PLAC8: variants seen among roughly 807,000 people sequenced by gnomAD.
The protein encoded by PLAC8 is placenta-specific gene 8 protein.
PLAC8 carries 6 observed loss-of-function variants against 12.6 expected under a neutral mutation model. The observed-to-expected ratio is 0.48, with a 90% CI of 0.26 to 0.94. The LOEUF (loss-of-function observed/expected upper bound fraction) is 0.94, where lower values mean the gene tolerates loss of function less well. PLAC8 is among the 40% of genes least tolerant of loss of function. The pLI is 0.14. For synonymous variants in PLAC8, 54 were observed against 52.6 expected (o/e 1.03, Z -0.11); for missense variants, 122 against 152.7 (o/e 0.80, Z 1.06).
intron 2 of PLAC8, 48 bp from the exon 3 acceptor site, chr4:83,105,068 C>T (rs1044698892): frequency 6.2e-7 from 1 of 1,610,850 alleles, no homozygotes; most frequent in Non-Finnish European, 8.5e-7. Flanking sequence ...CTGCCCCTGC[C>T]ACAGCTGAAA....
chr4:83,092,863 C>T (rs1731838607), intron 4 of PLAC8: 1 of 115,438 alleles, frequency 8.7e-6, no homozygotes, highest in Admixed American at 1.2e-4. Context: ...GTGGTGTGAT[C>T]ATAGCTCACT....
intron 3 of PLAC8, among the ~76,000 whole-genome samples, chr4:83,097,250 T>C (rs1222878596): frequency 4.6e-5 from 7 of 151,952 alleles, no homozygotes; most frequent in Non-Finnish European, 2.9e-5. Flanking sequence ...TGTGTGGGTG[T>C]GTATGTGTGT....
At chr4:83,113,479 A>G (rs1018112690) in intron 1 of PLAC8, among the ~76,000 whole-genome samples, 8 of 152,202 alleles carry the variant, frequency 5.3e-5, no homozygotes, top group African/African-American at 1.9e-4. Flanking sequence ...TACAGATCCA[A>G]TTTAATTCAG....
intron 1 of PLAC8, among the ~76,000 whole-genome samples, chr4:83,113,376 G>A (rs1049111360): frequency 1.3e-5 from 2 of 152,156 alleles, no homozygotes; most frequent in Non-Finnish European, 1.5e-5. Flanking sequence ...GCAGTATCCT[G>A]GGCACTTCAC....
intron 1 of PLAC8, chr4:83,109,599 C>G (rs1732355009): frequency 6.6e-6 from 1 of 152,156 alleles, no homozygotes; most frequent in African/African-American, 2.4e-5. Flanking sequence ...CTGGCGGCCG[C>G]TGCCTTCGGG....
At chr4:83,113,546 G>A (rs967424409) in intron 1 of PLAC8, among the ~76,000 whole-genome samples, 1 of 152,198 alleles carries the variant, frequency 6.6e-6, no homozygotes, top group African/African-American at 2.4e-5. Flanking sequence ...TTTGGTAAGG[G>A]CTAAGGAGAT....
At chr4:83,097,914 A>C (rs1432066553) in intron 3 of PLAC8, among the ~76,000 whole-genome samples, 1 of 144,700 alleles carries the variant, frequency 6.9e-6, no homozygotes, top group Non-Finnish European at 1.5e-5. Flanking sequence ...GCTAGAGTGC[A>C]GTGGCGTGAT....
chr4:83,091,757 T>A (rs1353183948), intron 4 of PLAC8, among the ~76,000 whole-genome samples: 1 of 152,162 alleles, frequency 6.6e-6, no homozygotes, highest in Non-Finnish European at 1.5e-5. Context: ...GGGAGATGTG[T>A]CTCTTCTCCC....
intron 3 of PLAC8, among the ~76,000 whole-genome samples, chr4:83,103,123 G>C (rs559950454): frequency 4.7e-5 from 7 of 149,916 alleles, no homozygotes; most frequent in African/African-American, 1.7e-4. Flanking sequence ...GAGGCTGGGC[G>C]CGGTGGCTTC....
intron 1 of PLAC8, among the ~76,000 whole-genome samples, chr4:83,108,198 C>G (rs1471027191): frequency 1.3e-5 from 2 of 149,928 alleles, no homozygotes; most frequent in African/African-American, 4.9e-5. Context: ...ACTTTAGGGG[C>G]AGGATGCTGA....
chr4:83,096,654 G>A (rs1483101064), intron 3 of PLAC8, among the ~76,000 whole-genome samples: 5 of 152,108 alleles, frequency 3.3e-5, no homozygotes, highest in South Asian at 4.1e-4. Flanking sequence ...TAGATTAGAC[G>A]AAGATACAGC....
intron 3 of PLAC8, among the ~76,000 whole-genome samples, chr4:83,096,984 G>A (rs769671770): frequency 2.0e-5 from 3 of 152,140 alleles, no homozygotes; most frequent in Non-Finnish European, 2.9e-5. Context: ...GCACTGCACC[G>A]TCTTCTCCCG....
chr4:83,112,047 G>T (rs1404230315), intron 1 of PLAC8, among the ~76,000 whole-genome samples: 3 of 151,968 alleles, frequency 2.0e-5, no homozygotes, highest in African/African-American at 2.4e-5. Context: ...GGTAGTGTAT[G>T]CCTGTAATCC....
intron 4 of PLAC8, 70 bp downstream of exon 4, chr4:83,094,608 A>C: frequency 2.5e-6 from 2 of 797,994 alleles, no homozygotes; most frequent in South Asian, 3.4e-5. Context: ...AACAACAAAT[A>C]ATTGACAAAG....
intron 2 of PLAC8, among the ~76,000 whole-genome samples, chr4:83,106,248 C>T (rs1333657531): frequency 1.3e-5 from 2 of 151,950 alleles, no homozygotes; most frequent in African/African-American, 4.8e-5. Context: ...ATCTGCCCGC[C>T]TTGGCCTCCC....
At chr4:83,093,696 TTC>T (rs1277140863) in intron 4 of PLAC8, 1 of 152,232 alleles carries the variant, frequency 6.6e-6, no homozygotes, top group Non-Finnish European at 1.5e-5. Flanking sequence ...ATTAATTGAA[TTC>T]TGCATTTTAG....
At chr4:83,094,529 T>G (rs1731880309) in intron 4 of PLAC8, 149 bp downstream of exon 4, 1 of 566,012 alleles carries the variant, frequency 1.8e-6, no homozygotes, top group Admixed American at 3.9e-5. Flanking sequence ...AGAAGAAAAT[T>G]AAAGCCAATC....
At chr4:83,094,516 A>G (rs1445712964) in intron 4 of PLAC8, 162 bp downstream of exon 4, 1 of 551,608 alleles carries the variant, frequency 1.8e-6, no homozygotes, top group Non-Finnish European at 3.2e-6. Context: ...TATCTTCTTC[A>G]TAAGAAGAAA....
chr4:83,107,841 C>G lies in PLAC8; in HGVS notation c.81G>C (p.Gln27His). The G allele has an allele frequency of 6.2e-7, 1 of 1,609,360 alleles. No homozygotes were observed. The highest frequency in any genetic ancestry group is 8.5e-7 in the Non-Finnish European group (1 of 1,177,240). Residue 27 changes from glutamine to histidine, a missense_variant, in exon 2 of 5, where the codon CAG (glutamine) becomes CAC (histidine). Coordinates refer to ENST00000311507, the MANE Select transcript of PLAC8 (RefSeq NM_016619.3). ...CGCTGAAACAGTCACACATGCCTGT[C>G]TGCCAGTTGGAGTTCTGGGGGGCCG... Reference protein sequence around the residue: ...PGPAPQNSNWQTGMCDCFSDC... With the variant: ...PGPAPQNSNWHTGMCDCFSDC...
Sources: allele counts gnomAD v4.1 joint callset (sites outside exome capture counted in the v4.1 genomes callset), GRCh38; gene constraint gnomAD v4.1.1; transcripts MANE v1.5; gene names NCBI Gene and HGNC (gene_info 2026-07-23, HGNC 2026-07-21).